The following ANO1 variants were observed in gnomAD, a reference collection of about 807,000 sequenced individuals.
The protein encoded by ANO1 is anoctamin 1.
ANO1 carries 59 observed loss-of-function variants against 124.0 expected under a neutral mutation model. The observed-to-expected ratio is 0.48, with a 90% CI of 0.39 to 0.59. ANO1 has a LOEUF of 0.59. Ranked by LOEUF, ANO1 falls within the 20% of genes least tolerant of loss-of-function variation. The pLI, the probability that ANO1 is intolerant of heterozygous loss-of-function variation, is 0.00. For missense variants in ANO1, 1,059 were observed against 1,328.0 expected, an observed-to-expected ratio of 0.80 and a Z score of 3.15; for synonymous variants, 529 against 532.0, an observed-to-expected ratio of 0.99 and a Z score of 0.08.
chr11:70,028,044 G>A (rs978888313), intron 1 of ANO1, among the ~76,000 whole-genome samples: 4 of 152,120 alleles, frequency 2.6e-5, no homozygotes, highest in African/African-American at 2.4e-5. Flanking sequence ...TTAGAAAATC[G>A]ATTTCAATAA....
chr11:70,159,468 G>T (rs772218407), intron 16 of ANO1, among the ~76,000 whole-genome samples: 1 of 152,224 alleles, frequency 6.6e-6, no homozygotes, highest in African/African-American at 2.4e-5. Context: ...CAGCCTTGAC[G>T]TACTGGTAAA....
chr11:70,181,553 G>T (rs1389180653), intron 23 of ANO1, among the ~76,000 whole-genome samples: 1 of 152,212 alleles, frequency 6.6e-6, no homozygotes, highest in Non-Finnish European at 1.5e-5. Context: ...GGGAACAGAG[G>T]TACGTCCTGC....
chr11:70,085,479 AG>A (rs1488356796), intron 1 of ANO1: 60 of 1,535,868 alleles, frequency 3.9e-5, no homozygotes, highest in Non-Finnish European at 5.1e-5. Context: ...TACTGTAGAG[AG>A]AAGTCAGTTG....
chr11:70,042,584 G>T lies in ANO1; in HGVS notation c.59-35958G>T, dbSNP rs1857201522. ...GAGAGAGAGAGAAATCTGCAGAGAG[G>T]TGCCCTTAAGTCTTTGGCTGAGTAC... On this transcript the variant is annotated intron_variant, in intron 1 of 27. Coordinates refer to the ANO1 transcript ENST00000531349. Among the ~76,000 whole-genome samples, 6 of 151,936 alleles carry T rather than the reference G, an allele frequency of 3.9e-5. No homozygotes were observed. In the South Asian group the frequency reaches 1.2e-3, roughly 32 times the overall value.
intron 1 of ANO1, among the ~76,000 whole-genome samples, chr11:70,081,080 T>G (rs922488388): frequency 6.6e-6 from 1 of 152,252 alleles, no homozygotes; most frequent in African/African-American, 2.4e-5. Flanking sequence ...AACCACAAGA[T>G]AAGTTCATCC....
chr11:70,149,541 C>A, intron 11 of ANO1, 169 bp from the exon 12 acceptor site: 1 of 623,828 alleles, frequency 1.6e-6, no homozygotes, highest in Non-Finnish European at 2.7e-6. Flanking sequence ...ATCCCAGCTA[C>A]TCGGGAGGCT....
At position 70,011,400 on chromosome 11, in the gene ANO1, C is replaced by A. The variant is rs370807600; in HGVS notation, c.58+25234C>A. 7.2e-5 allele frequency among the ~76,000 whole-genome samples: 11 copies of A among 152,302 alleles called. No individual in the cohort carries two copies. The East Asian group carries it at 1.9e-3, about 27-fold the overall frequency. On this transcript the variant is annotated intron_variant, in intron 1 of 27. Transcript: ENST00000531349. ...TGACCTTGCAGCTCACACAGGAGCA[C>A]CCTTTGGGCTTCTGGTACCCACAGC...
At chr11:70,152,618 C>G (rs902817610) in intron 13 of ANO1, among the ~76,000 whole-genome samples, 157 bp downstream of exon 13, 1 of 152,242 alleles carries the variant, frequency 6.6e-6, no homozygotes, top group South Asian at 2.1e-4. Flanking sequence ...CTCTCCTAAC[C>G]TGTTCTTTCC....
At position 70,187,979 on chromosome 11, in the gene ANO1, A is replaced by G. The variant is rs777421254; in HGVS notation, c.2936A>G (p.His979Arg). 19 of 1,570,178 alleles carry G rather than the reference A, an allele frequency of 1.2e-5. No individual in the cohort carries two copies. Among genetic ancestry groups the G allele is most frequent in the Middle Eastern group, 1.7e-4 (1 of 5,894 alleles). Residue 979 changes from histidine (H) to arginine (R), a missense_variant, in exon 26 of 26, where the codon CAT (histidine) becomes CGT (arginine). By Grantham distance (29) the His-to-Arg change is conservative. This residue lies in a region of ANO1 where 809 missense variants were observed against 1,094.9 expected (regional missense o/e 0.74). Transcript: ENST00000355303. The part of the protein sequence containing the change: ...PDSLGSPAPS[H>R]AYHGGVL Reference sequence around the variant, plus strand: ...AGCCTCGGCAGCCCAGCCCCCAGCCATGCCTACCACGGGGGCGTCCTGTAG... The same window carrying G: ...AGCCTCGGCAGCCCAGCCCCCAGCCGTGCCTACCACGGGGGCGTCCTGTAG...
At chr11:70,006,640 T>C (rs1856492360) in intron 1 of ANO1, among the ~76,000 whole-genome samples, 1 of 148,654 alleles carries the variant, frequency 6.7e-6, no homozygotes. Flanking sequence ...TTCTTTTCTT[T>C]CTTCTTTCTT....
At chr11:70,116,539 G>T in intron 8 of ANO1, 40 bp downstream of exon 8, 19 of 1,560,998 alleles carry the variant, frequency 1.2e-5, no homozygotes, top group Non-Finnish European at 1.6e-5. Context: ...CTCTGTCAGA[G>T]CCTGGAGGCG....
intron 6 of ANO1, among the ~76,000 whole-genome samples, chr11:70,110,560 T>G (rs1184851097): frequency 1.3e-5 from 2 of 152,154 alleles, no homozygotes; most frequent in Admixed American, 1.3e-4. Context: ...TGGTTTTGAC[T>G]TCTAAGCATC....
intron 15 of ANO1, 24 bp from the exon 16 acceptor site, chr11:70,156,923 G>T: frequency 1.2e-6 from 2 of 1,610,510 alleles, no homozygotes; most frequent in South Asian, 1.1e-5. Context: ...TCCAGACAGT[G>T]ACCGGCATTG....
chr11:70,095,502 A>G (rs887462632), intron 2 of ANO1, among the ~76,000 whole-genome samples: 1 of 152,250 alleles, frequency 6.6e-6, no homozygotes, highest in African/African-American at 2.4e-5. Flanking sequence ...AAGTGACCCC[A>G]AGACCATCAT....
intron 1 of ANO1, among the ~76,000 whole-genome samples, chr11:70,057,707 G>A (rs1857473967): frequency 6.6e-6 from 1 of 152,026 alleles, no homozygotes; most frequent in Admixed American, 6.5e-5. Flanking sequence ...GTTGGGGCGG[G>A]GCAGGAACAA....
At chr11:70,165,357 CT>C in intron 19 of ANO1, 112 bp from the exon 20 acceptor site, 12 of 862,446 alleles carry the variant, frequency 1.4e-5, no homozygotes, top group Non-Finnish European at 2.2e-5. Flanking sequence ...ACCTGAGCGT[CT>C]TTTTTTGGAG....
rs1353611917 is a variant in ANO1, at chr11:70,008,482, C to T, written c.58+22316C>T. 2.0e-5 allele frequency among the ~76,000 whole-genome samples: 3 copies of T among 152,176 alleles called. No individual in the cohort carries two copies. In the East Asian group the frequency reaches 5.8e-4, roughly 29 times the overall value. On this transcript the variant is annotated intron_variant, in intron 1 of 27. Coordinates refer to the ANO1 transcript ENST00000531349. Reference sequence around the variant, plus strand: ...ATGTGAATATCCAGTTTCCCAGCGACCTTTGGCAAAGAGATTGTCCTTTTC... The same window carrying T: ...ATGTGAATATCCAGTTTCCCAGCGATCTTTGGCAAAGAGATTGTCCTTTTC...
chr11:70,085,638 A>G, intron 1 of ANO1: 1 of 1,524,644 alleles, frequency 6.6e-7, no homozygotes. Context: ...GGGGTAGAGG[A>G]GTCTAGACCC....
intron 10 of ANO1, among the ~76,000 whole-genome samples, chr11:70,131,303 A>G (rs1334820281): frequency 6.7e-6 from 1 of 149,018 alleles, no homozygotes; most frequent in Non-Finnish European, 1.5e-5. Flanking sequence ...TCAAAAATCA[A>G]TGTGTGTGTG....
Sources: allele counts gnomAD v4.1 joint callset (sites outside exome capture counted in the v4.1 genomes callset), GRCh38; gene constraint gnomAD v4.1.1; regional missense constraint gnomAD v4.1.1; transcripts MANE v1.5; gene names NCBI Gene and HGNC (gene_info 2026-07-23, HGNC 2026-07-21).